LRRC4C: variants seen among roughly 807,000 people sequenced by gnomAD.
LRRC4C encodes the protein leucine rich repeat containing 4C.
LRRC4C carries 5 observed loss-of-function variants against 33.6 expected under a neutral mutation model. The ratio of observed to expected loss-of-function variants is 0.15; its 90% CI spans 0.08 to 0.31. The LOEUF (loss-of-function observed/expected upper bound fraction) is 0.31. Ranked by LOEUF, LRRC4C falls within the 10% of genes least tolerant of loss-of-function variation. LRRC4C has a pLI of 1.00. For missense variants in LRRC4C, 560 were observed against 796.7 expected (o/e 0.70, Z 3.58); for synonymous variants, 329 against 302.0 (o/e 1.09, Z -0.93).
At chr11:41,213,145 A>G (rs556204444) in intron 1 of LRRC4C, among the ~76,000 whole-genome samples, 4 of 152,286 alleles carry the variant, frequency 2.6e-5, no homozygotes, top group Middle Eastern at 3.4e-3. Flanking sequence ...TTCCTTTCTC[A>G]GTTCTTGTGT....
At chr11:40,398,605 CA>C (rs560149988) in intron 3 of LRRC4C, among the ~76,000 whole-genome samples, 3 of 151,854 alleles carry the variant, frequency 2.0e-5, no homozygotes, top group South Asian at 2.1e-4. Flanking sequence ...TTTTGTTTTC[CA>C]TAATGATATA....
chr11:41,109,514 A>C (rs998414656), intron 1 of LRRC4C, among the ~76,000 whole-genome samples: 2 of 152,112 alleles, frequency 1.3e-5, no homozygotes, highest in African/African-American at 2.4e-5. Context: ...CAGAGCCCTC[A>C]AGGGCTTTGA....
intron 4 of LRRC4C, among the ~76,000 whole-genome samples, chr11:40,253,513 A>G (rs1007550672): frequency 6.6e-6 from 1 of 152,214 alleles, no homozygotes; most frequent in Non-Finnish European, 1.5e-5. Flanking sequence ...AATGAGCATA[A>G]CAGTAACTAC....
chr11:40,966,742 C>A (rs1851391794), intron 1 of LRRC4C, among the ~76,000 whole-genome samples: 1 of 151,902 alleles, frequency 6.6e-6, no homozygotes, highest in Admixed American at 6.6e-5. Flanking sequence ...GAAACCTCAG[C>A]TTCTTTTTTC....
intron 1 of LRRC4C, among the ~76,000 whole-genome samples, chr11:41,258,508 C>T (rs1948873948): frequency 6.6e-6 from 1 of 151,926 alleles, no homozygotes; most frequent in Non-Finnish European, 1.5e-5. Flanking sequence ...AAGAAAATAT[C>T]TGGATAGATC....
At chr11:40,178,801 A>G (rs1417738821) in intron 5 of LRRC4C, among the ~76,000 whole-genome samples, 3 of 152,086 alleles carry the variant, frequency 2.0e-5, no homozygotes, top group African/African-American at 7.2e-5. Context: ...CTTCAAAGAA[A>G]TATCATTGCT....
chr11:41,366,299 C>T (rs571417846), intron 1 of LRRC4C, among the ~76,000 whole-genome samples: 59 of 152,022 alleles, frequency 3.9e-4, no homozygotes, highest in Non-Finnish European at 6.0e-4. Flanking sequence ...TGCCAGTCCA[C>T]TCTAATCTGT....
At chr11:41,411,140 C>CTTTTTTTTTTTTTTT (rs1249968357) in intron 1 of LRRC4C, among the ~76,000 whole-genome samples, 11 of 49,908 alleles carry the variant, frequency 2.2e-4, no homozygotes, top group African/African-American at 7.3e-4. Context: ...GGTTGGTACC[C>CTTTTTTTTTTTTTTT]TATTTTTTTT....
intron 2 of LRRC4C, among the ~76,000 whole-genome samples, chr11:40,707,641 T>C (rs1198648772): frequency 1.3e-5 from 2 of 151,722 alleles, no homozygotes; most frequent in African/African-American, 4.9e-5. Context: ...TTTGCATCGA[T>C]GTTCATCAGG....
chr11:41,057,139 C>T (rs749580154), intron 1 of LRRC4C, among the ~76,000 whole-genome samples: 2 of 152,196 alleles, frequency 1.3e-5, no homozygotes, highest in Non-Finnish European at 2.9e-5. Flanking sequence ...CCCCATTCCC[C>T]GACCTTCGCA....
At chr11:41,434,325 T>C (rs1955349134) in intron 1 of LRRC4C, among the ~76,000 whole-genome samples, 1 of 152,144 alleles carries the variant, frequency 6.6e-6, no homozygotes, top group Non-Finnish European at 1.5e-5. Flanking sequence ...TTTAATAGAC[T>C]TTTCAGATAA....
chr11:41,319,141 C>T (rs1313860188), intron 1 of LRRC4C, among the ~76,000 whole-genome samples: 1 of 152,098 alleles, frequency 6.6e-6, no homozygotes, highest in East Asian at 1.9e-4. Context: ...GAACCTAAAG[C>T]CACATGATGC....
At chr11:41,270,599 T>C (rs1565534964) in intron 1 of LRRC4C, among the ~76,000 whole-genome samples, 1 of 152,078 alleles carries the variant, frequency 6.6e-6, no homozygotes, top group Non-Finnish European at 1.5e-5. Flanking sequence ...AAATTGATAT[T>C]ACTGCCAAAT....
intron 2 of LRRC4C, among the ~76,000 whole-genome samples, chr11:40,824,678 C>T (rs1228675040): frequency 2.6e-5 from 4 of 151,840 alleles, no homozygotes; most frequent in South Asian, 2.1e-4. Context: ...TATTTCTAAG[C>T]GGGCCTGCAA....
intron 2 of LRRC4C, among the ~76,000 whole-genome samples, chr11:40,691,160 T>C (rs1005613476): frequency 6.6e-6 from 1 of 151,606 alleles, no homozygotes; most frequent in Admixed American, 6.6e-5. Context: ...AAAAAGCACA[T>C]CAAAACCAAC....
Position 40,634,204 on chromosome 11 carries a change from GT to G in LRRC4C, c.-270+13937del, listed in dbSNP as rs559924510. Reference sequence around the variant, plus strand: ...GTTGGAAAACAGTATAAACTAAGTGGTTCTTTCAATAATGATTCCTAATTCT... The same window carrying G: ...GTTGGAAAACAGTATAAACTAAGTGGTCTTTCAATAATGATTCCTAATTCT... On this transcript the variant is annotated intron_variant, in intron 3 of 6. Coordinates refer to ENST00000528697, the MANE Select transcript of LRRC4C (RefSeq NM_001258419.2). Among the ~76,000 whole-genome samples, 10 of 152,290 alleles carry G rather than the reference GT, an allele frequency of 6.6e-5. No individual in the cohort carries two copies. In the South Asian group the frequency reaches 1.7e-3, roughly 25 times the overall value.
chr11:40,429,319 G>A (rs1197537762), intron 3 of LRRC4C, among the ~76,000 whole-genome samples: 4 of 152,036 alleles, frequency 2.6e-5, no homozygotes, highest in Non-Finnish European at 4.4e-5. Flanking sequence ...AGTGATCCAC[G>A]CGCCTCATAC....
intron 1 of LRRC4C, among the ~76,000 whole-genome samples, chr11:41,422,924 G>A (rs1270213169): frequency 1.3e-5 from 2 of 152,130 alleles, no homozygotes; most frequent in East Asian, 1.9e-4. Context: ...TTTTTAAAAA[G>A]CATTTTCTAC....
At chr11:41,264,289 A>G (rs1949079293) in intron 1 of LRRC4C, among the ~76,000 whole-genome samples, 1 of 151,876 alleles carries the variant, frequency 6.6e-6, no homozygotes, top group Non-Finnish European at 1.5e-5. Flanking sequence ...ATGGGGTTTC[A>G]CCATGTTGGC....
Sources: gnomAD v4.1 joint callset for allele counts (sites outside exome capture counted in the v4.1 genomes callset) on GRCh38, gnomAD v4.1.1 for gene constraint, MANE v1.5 for transcripts, NCBI Gene and HGNC (gene_info 2026-07-23, HGNC 2026-07-21) for gene names.